The following PIDD1 variants were observed in gnomAD, a reference collection of about 807,000 sequenced individuals.
The protein encoded by PIDD1 is p53-induced death domain protein 1.
PIDD1 carries 72 observed loss-of-function variants against 80.0 expected under a neutral mutation model. The observed-to-expected ratio is 0.90, with a 90% confidence interval of 0.74 to 1.09. The LOEUF (loss-of-function observed/expected upper bound fraction) is 1.09, where lower values mean the gene tolerates loss of function less well. Ranked by LOEUF, PIDD1 falls within the 50% of genes least tolerant of loss-of-function variation. The pLI, the probability that PIDD1 is intolerant of heterozygous loss-of-function variation, is 0.00. For synonymous variants in PIDD1, 655 were observed against 543.5 expected (o/e 1.21, Z -2.85); for missense variants, 1,329 against 1,228.3 (o/e 1.08, Z -1.23).
In PIDD1 at chr11:800,355, T is replaced by A. The variant is rs1265607490; in HGVS notation, c.2138A>T (p.Glu713Val). ...EVYVTTTLDR[E>V]AQAVRGQVSF... Reference sequence around the variant, plus strand: ...CACCTGGCCCCGCACAGCCTGAGCCTCCCGGTCCAGAGTGGTGGTCACGTA... The same window carrying A: ...CACCTGGCCCCGCACAGCCTGAGCCACCCGGTCCAGAGTGGTGGTCACGTA... Residue 713 changes from glutamate (E) to valine (V), a missense_variant, in exon 13 of 16, where the codon GAG becomes GTG. Transcript: ENST00000347755. The A allele has an allele frequency of 6.2e-7, 1 of 1,612,230 alleles. No homozygotes were observed. Among genetic ancestry groups the A allele is most frequent in the Non-Finnish European group, 8.5e-7 (1 of 1,179,760 alleles).
At chr11:807,846 A>AATCT (rs1421400600), upstream of PIDD1, among the ~76,000 whole-genome samples, 1 of 152,194 alleles carries the variant, frequency 6.6e-6, no homozygotes, top group African/African-American at 2.4e-5. Flanking sequence ...GGGCAACTTG[A>AATCT]ATCTATGTTC....
chr11:803,159 G>T lies in PIDD1; in HGVS notation c.709+15C>A. ...TCCCGTGGGGCCAGTGTGTCGGGGCGCAGGGGCTACTCACCCAGAGAGGCT... is the reference window on the plus strand; with the variant it reads ...TCCCGTGGGGCCAGTGTGTCGGGGCTCAGGGGCTACTCACCCAGAGAGGCT... On this transcript the variant is annotated intron_variant, in intron 3 of 15. Transcript: ENST00000347755. 1.3e-6 allele frequency: 2 copies of T among 1,562,464 alleles called. No individual in the cohort carries two copies. The highest frequency in any genetic ancestry group is 1.7e-6 in the Non-Finnish European group (2 of 1,146,684).
chr11:805,650 TCCAAACCAGC>T, upstream of PIDD1: 1 of 985,480 alleles, frequency 1.0e-6, no homozygotes, highest in African/African-American at 1.7e-5. Context: ...CAGTGTCCTT[TCCAAACCAGC>T]CCAAACGGCC....
chr11:802,111 G>C (rs755074258), intron 6 of PIDD1, 21 bp from the exon 7 acceptor site: 1 of 1,571,332 alleles, frequency 6.4e-7, no homozygotes, highest in East Asian at 2.3e-5. Context: ...AGGATGGTGT[G>C]AGCACTGGAG....
chr11:801,120 C>T lies in PIDD1; in HGVS notation c.1631G>A (p.Gly544Asp). ...VQLPLPSGIT[G>D]LSLDRSRLHL... The stretch of plus-strand genomic sequence containing the variant: ...CAGGCGGGAGCGGTCCAGACTGAGG[C>T]CTGGGGATGGGAGGGGCAGCGAGCT... Residue 544 changes from glycine to aspartate, a missense_variant and splice_region_variant, in exon 10 of 16, where the codon GGC becomes GAC. Coordinates refer to ENST00000347755, the MANE Select transcript of PIDD1 (RefSeq NM_145886.4). The T allele has an allele frequency of 6.4e-7, 1 of 1,554,868 alleles. No individual in the cohort carries two copies. The highest frequency in any genetic ancestry group is 8.7e-7 in the Non-Finnish European group (1 of 1,146,770).
intron 5 of PIDD1, 54 bp downstream of exon 5, chr11:802,489 G>A (rs965068244): frequency 1.9e-6 from 3 of 1,601,524 alleles, no homozygotes; most frequent in Middle Eastern, 3.4e-4. Flanking sequence ...TGTCGGAGGG[G>A]CCAGAGTGAC....
chr11:806,303 T>TC (rs1267604504), upstream of PIDD1, among the ~76,000 whole-genome samples: 1 of 145,596 alleles, frequency 6.9e-6, no homozygotes, highest in Non-Finnish European at 1.5e-5. Context: ...CCTGCTTCTT[T>TC]CCTGAGGTCA....
rs1865411901 is a variant in PIDD1 at position 802,228 on chromosome 11, C to T, written c.1143G>A (p.Leu381=). The change falls in exon 6 of 16, where the codon CTG becomes CTA. Residue 381 remains leucine, a synonymous_variant. Coordinates refer to ENST00000347755, the MANE Select transcript of PIDD1 (RefSeq NM_145886.4). The part of the protein sequence containing the change: ...GPHDALLSHV[L]ELQPHGVAFQ... ...AGGCCACCCCATGGGGCTGCAGCTC[C>T]AGCACATGGCTGAGCAGGGCGTCAT... The T allele has an allele frequency of 1.2e-6, 2 of 1,611,030 alleles. No individual in the cohort carries two copies. Among genetic ancestry groups the T allele is most frequent in the African/African-American group, 1.3e-5 (1 of 74,918 alleles).
intron 2 of PIDD1, chr11:803,859 A>G: frequency 1.6e-6 from 1 of 623,456 alleles, no homozygotes; most frequent in Non-Finnish European, 2.8e-6. Context: ...AGAGACCCCC[A>G]CTGGGCAGCG....
In PIDD1 at chr11:802,681, C is replaced by T. The variant is rs757885349; in HGVS notation, c.919+1G>A. 2 of 1,609,838 alleles carry T rather than the reference C, an allele frequency of 1.2e-6. No homozygotes were observed. Among genetic ancestry groups the T allele is most frequent in the Non-Finnish European group, 1.7e-6 (2 of 1,177,880 alleles). ...TCTGCCCCTTCTAGCACCAAGCCTA[C>T]CTGGTGAACTCGGGGCGTCTGGCGA... On this transcript the variant is annotated splice_donor_variant, in intron 4 of 15. Transcript: ENST00000347755. LOFTEE classifies it high-confidence loss of function.
At position 799,983 on chromosome 11, in the gene PIDD1, C is replaced by G. The variant is rs767852155; in HGVS notation, c.2306G>C (p.Gly769Ala). The change falls in exon 15 of 16, where the codon GGG (glycine) becomes GCG (alanine). Residue 769 changes from glycine to alanine, a missense_variant. Physicochemically the swap from Gly to Ala is moderately conservative, Grantham distance 60 (BLOSUM62 0). Coordinates refer to ENST00000347755, the MANE Select transcript of PIDD1 (RefSeq NM_145886.4). Reference sequence around the variant, plus strand: ...CAAGGGTGCCAAGGAGAGGCCAGCCCCCCGCCGTGGCCCCTCGGACCCTCG... The same window carrying G: ...CAAGGGTGCCAAGGAGAGGCCAGCCGCCCGCCGTGGCCCCTCGGACCCTCG... ...RLRGSEGPRRGAGLSLAPLNL... is the reference protein window; with the variant it reads ...RLRGSEGPRRAAGLSLAPLNL... The G allele has an allele frequency of 3.7e-6, 6 of 1,612,726 alleles. No homozygotes were observed. Among genetic ancestry groups the G allele is most frequent in the Non-Finnish European group, 4.2e-6 (5 of 1,179,950 alleles).
At chr11:802,168 A>C in intron 6 of PIDD1, 27 bp downstream of exon 6, 1 of 1,571,932 alleles carries the variant, frequency 6.4e-7, no homozygotes, top group Non-Finnish European at 8.6e-7. Flanking sequence ...TGGCCCACAC[A>C]CTGCCCCCGC....
Position 800,468 on chromosome 11 carries a change from G to A in PIDD1, c.2042-17C>T. ...CAGGGCGGTCTAGGGGACAGGGGTG[G>A]GCTGAGCAAGGAGGGCTCGGGGAGG... is the stretch of plus-strand genomic sequence containing the variant. On this transcript the variant is annotated splice_polypyrimidine_tract_variant and intron_variant, in intron 12 of 15. Coordinates refer to ENST00000347755, the MANE Select transcript of PIDD1 (RefSeq NM_145886.4). The A allele has an allele frequency of 6.2e-7, 1 of 1,611,856 alleles. No individual in the cohort carries two copies. The highest frequency in any genetic ancestry group is 8.5e-7 in the Non-Finnish European group (1 of 1,179,966).
Sources: allele counts gnomAD v4.1 joint callset (sites outside exome capture counted in the v4.1 genomes callset), GRCh38; gene constraint gnomAD v4.1.1; transcripts MANE v1.5; gene names NCBI Gene and HGNC (gene_info 2026-07-23, HGNC 2026-07-21).